Variants in MMS22L observed in about 807,000 individuals in gnomAD.
MMS22L encodes the protein MMS22 like, DNA repair protein.
Under a neutral mutation model 159.1 loss-of-function variants are expected in MMS22L, and 74 were observed. The observed-to-expected ratio is 0.47, with a 90% CI of 0.39 to 0.56. The LOEUF (loss-of-function observed/expected upper bound fraction) is 0.56. Ranked by LOEUF, MMS22L falls within the 20% of genes least tolerant of loss-of-function variation. MMS22L has a pLI of 0.00. For synonymous variants in MMS22L, 517 were observed against 506.9 expected (o/e 1.02, Z -0.27); for missense variants, 1,351 against 1,422.1 (o/e 0.95, Z 0.80).
chr6:97,169,493 T>C (rs1418760803), intron 19 of MMS22L, among the ~76,000 whole-genome samples: 2 of 152,082 alleles, frequency 1.3e-5, no homozygotes, highest in African/African-American at 4.8e-5. Context: ...ATAAAGAGTT[T>C]AAAATTTAAG....
chr6:97,254,808 T>C (rs1582806975), intron 9 of MMS22L, 75 bp from the exon 10 acceptor site: 3 of 1,221,180 alleles, frequency 2.5e-6, no homozygotes, highest in East Asian at 4.9e-5. Context: ...TTCTCTATTT[T>C]TATAATGAAG....
chr6:97,270,359 T>G, intron 6 of MMS22L: 1 of 451,790 alleles, frequency 2.2e-6, no homozygotes, highest in South Asian at 1.6e-5. Context: ...AAATTTTTTT[T>G]AATGTATGAG....
intron 10 of MMS22L, among the ~76,000 whole-genome samples, chr6:97,252,782 A>T (rs571741480): frequency 3.2e-4 from 49 of 152,324 alleles, no homozygotes; most frequent in African/African-American, 1.2e-3. Context: ...AAAATGAGAA[A>T]TATATACTTG....
intron 9 of MMS22L, chr6:97,261,901 T>C (rs1234253122): frequency 1.3e-5 from 2 of 152,184 alleles, no homozygotes; most frequent in East Asian, 3.8e-4. Flanking sequence ...ATCCTCGATA[T>C]CCTGGGCTCA....
chr6:97,226,761 T>C (rs1582695707), intron 14 of MMS22L, among the ~76,000 whole-genome samples: 2 of 152,256 alleles, frequency 1.3e-5, no homozygotes, highest in Non-Finnish European at 2.9e-5. Flanking sequence ...GAAACAATTT[T>C]ATTTCTATGG....
At chr6:97,224,601 A>T (rs1300689605) in intron 14 of MMS22L, among the ~76,000 whole-genome samples, 1 of 151,836 alleles carries the variant, frequency 6.6e-6, no homozygotes, top group Non-Finnish European at 1.5e-5. Context: ...GAAAGTAATC[A>T]AAAGTCCCCA....
At chr6:97,221,112 G>A (rs1196668091) in intron 14 of MMS22L, among the ~76,000 whole-genome samples, 4 of 152,072 alleles carry the variant, frequency 2.6e-5, no homozygotes, top group Non-Finnish European at 5.9e-5. Flanking sequence ...AACACTTACT[G>A]ATATGCCAGG....
chr6:97,229,857 G>C (rs1190859554), intron 13 of MMS22L, among the ~76,000 whole-genome samples: 1 of 151,960 alleles, frequency 6.6e-6, no homozygotes, highest in East Asian at 1.9e-4. Flanking sequence ...ACGAACACTT[G>C]CTCTTATTTT....
At chr6:97,167,515 A>G (rs1803086703) in intron 20 of MMS22L, among the ~76,000 whole-genome samples, 1 of 152,128 alleles carries the variant, frequency 6.6e-6, no homozygotes, top group Non-Finnish European at 1.5e-5. Context: ...TAAAATGTAA[A>G]TATCATTATG....
intron 12 of MMS22L, among the ~76,000 whole-genome samples, chr6:97,232,057 GTTAC>G (rs1810932725): frequency 6.6e-6 from 1 of 152,082 alleles, no homozygotes; most frequent in African/African-American, 2.4e-5. Context: ...TGGCTCTAGT[GTTAC>G]TTAATCTTTT....
rs1175831852 is a variant in MMS22L, at chr6:97,228,959, T to C, written c.1974A>G (p.Arg658=). 1 of 1,614,004 alleles carries C rather than the reference T, an allele frequency of 6.2e-7. No homozygotes were observed. Among genetic ancestry groups the C allele is most frequent in the South Asian group, 1.1e-5 (1 of 91,082 alleles). Residue 658 remains arginine, a synonymous_variant, in exon 14 of 25, where the codon CGA becomes CGG. Coordinates refer to ENST00000683635, the MANE Select transcript of MMS22L (RefSeq NM_001350599.2). The stretch of plus-strand genomic sequence containing the variant: ...TCCTAAGTTCAGATTCTCGACATGC[T>C]CGCAGAAGCATACTAAATCCATCAT... ...LLNDGFSMLL[R]ACRESELRTV...
intron 22 of MMS22L, among the ~76,000 whole-genome samples, chr6:97,156,973 T>C (rs1022213232): frequency 4.0e-5 from 6 of 148,728 alleles, no homozygotes; most frequent in Non-Finnish European, 5.9e-5. Flanking sequence ...TCCATTTGTT[T>C]GTGTCCTCTT....
chr6:97,279,131 T>C (rs940018082), intron 3 of MMS22L, among the ~76,000 whole-genome samples: 6 of 152,190 alleles, frequency 3.9e-5, no homozygotes, highest in Non-Finnish European at 7.3e-5. Context: ...AGACTGCATA[T>C]ATCTCAAAAA....
At chr6:97,161,909 T>C in intron 22 of MMS22L, 93 bp downstream of exon 22, 2 of 1,201,520 alleles carry the variant, frequency 1.7e-6, no homozygotes, top group African/African-American at 1.6e-5. Flanking sequence ...AAGAATCACA[T>C]ATATTTTGTA....
intron 24 of MMS22L, among the ~76,000 whole-genome samples, chr6:97,149,056 T>C (rs1161320072): frequency 6.6e-6 from 1 of 152,232 alleles, no homozygotes; most frequent in Non-Finnish European, 1.5e-5. Flanking sequence ...GTTTGTAGCC[T>C]AGGAGCAATA....
chr6:97,168,986 T>C (rs780220236), intron 19 of MMS22L, among the ~76,000 whole-genome samples: 3 of 152,106 alleles, frequency 2.0e-5, no homozygotes, highest in Non-Finnish European at 4.4e-5. Flanking sequence ...TAATCTTACA[T>C]GTAAGTGGCC....
chr6:97,239,096 T>C (rs951619345), intron 11 of MMS22L, among the ~76,000 whole-genome samples: 5 of 151,344 alleles, frequency 3.3e-5, no homozygotes, highest in Admixed American at 1.3e-4. Context: ...ATTGGATTTA[T>C]TTTTAGGAGA....
At chr6:97,193,345 G>C (rs146081943) in intron 14 of MMS22L, among the ~76,000 whole-genome samples, 228 of 152,236 alleles carry the variant, frequency 1.5e-3, no homozygotes, top group Non-Finnish European at 2.6e-3. Context: ...ACAATAAAAG[G>C]GGTGAAGTGC....
intron 14 of MMS22L, among the ~76,000 whole-genome samples, chr6:97,206,473 G>T (rs1439017854): frequency 1.3e-5 from 2 of 151,044 alleles, no homozygotes; most frequent in African/African-American, 4.9e-5. Context: ...TTCAATATAA[G>T]CACTAAATTA....
Sources: gnomAD v4.1 joint callset for allele counts (sites outside exome capture counted in the v4.1 genomes callset) on GRCh38, gnomAD v4.1.1 for gene constraint, MANE v1.5 for transcripts, NCBI Gene and HGNC (gene_info 2026-07-23, HGNC 2026-07-21) for gene names.